FAT3: variants seen among roughly 807,000 people sequenced by gnomAD.
FAT3 encodes FAT atypical cadherin 3.
In FAT3, 95 loss-of-function variants were observed where a neutral mutation model predicts 310.2. The observed-to-expected ratio is 0.31, with a 90% CI of 0.26 to 0.36. FAT3 has a LOEUF of 0.36. Among genes scored for constraint, FAT3 ranks in the 10% least tolerant of loss-of-function variants. The probability of loss-of-function intolerance (pLI) is 1.00; values close to 1 mark genes in which losing one functional copy is unlikely to be tolerated. For missense variants in FAT3, 5,408 were observed against 5,715.6 expected (o/e 0.95, Z 1.74); for synonymous variants, 2,314 against 2,192.9 (o/e 1.06, Z -1.54).
intron 3 of FAT3, among the ~76,000 whole-genome samples, chr11:92,558,650 A>G (rs1438249973): frequency 6.6e-6 from 1 of 152,210 alleles, no homozygotes; most frequent in Non-Finnish European, 1.5e-5. Flanking sequence ...GTAATTAATA[A>G]TACAAGGACA....
Position 92,883,026 on chromosome 11 carries a change from G to T in FAT3, c.12570G>T (p.Thr4190=), listed in dbSNP as rs775635508. The change falls in exon 24 of 28, where the codon ACG becomes ACT. Residue 4190 remains threonine (T), a synonymous_variant. Transcript: ENST00000525166. The surrounding 1 kb of genome is among the most constrained non-coding windows in gnomAD (Gnocchi z 4.2). ...AGAACTACTCCCGCAACAACATCAC[G>T]CTAGTGCAGGACCCGGCCACCGCCG... ...FRKNYSRNNI[T]LVQDPATAAL... 6.2e-7 allele frequency: 1 copy of T among 1,613,860 alleles called. No individual in the cohort carries two copies. Among genetic ancestry groups the T allele is most frequent in the Non-Finnish European group, 8.5e-7 (1 of 1,179,900 alleles).
intron 1 of FAT3, among the ~76,000 whole-genome samples, chr11:92,263,877 G>A (rs1189508682): frequency 6.6e-6 from 1 of 151,908 alleles, no homozygotes; most frequent in African/African-American, 2.4e-5. Flanking sequence ...TTTGATATTA[G>A]CCCTTAGTGG....
chr11:92,582,522 A>G (rs1591482720), intron 3 of FAT3, among the ~76,000 whole-genome samples: 1 of 152,190 alleles, frequency 6.6e-6, no homozygotes, highest in Non-Finnish European at 1.5e-5. Flanking sequence ...AATCCTTCAT[A>G]TAACATTTCT....
At chr11:92,512,625 A>G (rs1360323071) in intron 2 of FAT3, among the ~76,000 whole-genome samples, 4 of 147,302 alleles carry the variant, frequency 2.7e-5, no homozygotes, top group Non-Finnish European at 6.0e-5. Context: ...TAAAATATAT[A>G]TATTTAAAAT....
intron 6 of FAT3, among the ~76,000 whole-genome samples, chr11:92,771,880 A>G (rs1396367906): frequency 2.0e-5 from 3 of 152,096 alleles, no homozygotes; most frequent in Non-Finnish European, 4.4e-5. Context: ...ACGTGCGATG[A>G]TTATGTATTT....
chr11:92,747,362 T>G (rs1229311423), intron 4 of FAT3, among the ~76,000 whole-genome samples: 1 of 152,214 alleles, frequency 6.6e-6, no homozygotes, highest in Non-Finnish European at 1.5e-5. Flanking sequence ...TAGCCATGGC[T>G]GGCACTGAAG....
Position 92,844,727 on chromosome 11 carries a change from G to A in FAT3, c.11360G>A (p.Cys3787Tyr). ...PRFYRNVRCT[C>Y]NGGLCPGSND... Reference sequence around the variant, plus strand: ...TTCTACAGGAACGTGCGTTGCACCTGCAATGGTGAGTGCAGTTTTGAGTGT... The same window carrying A: ...TTCTACAGGAACGTGCGTTGCACCTACAATGGTGAGTGCAGTTTTGAGTGT... The change falls in exon 19 of 28, where the codon TGC becomes TAC. Residue 3787 changes from cysteine to tyrosine, a missense_variant. This residue lies in a region of FAT3 where 4,588 missense variants were observed against 4,809.8 expected (regional missense o/e 0.95). Transcript: ENST00000525166. 6.6e-7 allele frequency: 1 copy of A among 1,522,844 alleles called. No individual in the cohort carries two copies. The allele number at this position is 1,522,844 out of a possible 1,614,324, so 94.3% of individuals were successfully genotyped here. A position where few individuals can be genotyped will look rare whatever the true frequency, so the allele number is the denominator to read the frequency against.
intron 24 of FAT3, among the ~76,000 whole-genome samples, chr11:92,885,603 T>C (rs1256358453): frequency 6.6e-6 from 1 of 152,198 alleles, no homozygotes; most frequent in Non-Finnish European, 1.5e-5. Flanking sequence ...ATACTCCCTC[T>C]CAAATTATCT....
rs1252266111 is a variant in FAT3 at position 92,800,477 on chromosome 11, G to T, written c.7464G>T (p.Gly2488=). The T allele has an allele frequency of 1.2e-6, 2 of 1,613,948 alleles. No individual in the cohort carries two copies. The highest frequency in any genetic ancestry group is 2.2e-5 in the South Asian group (2 of 91,086). The change falls in exon 10 of 28, where the codon GGG becomes GGT. Residue 2488 remains glycine, a synonymous_variant. Transcript: ENST00000525166. ...CACAGGTGCATATTAGGGTACTTGG[G>T]GCTAACTTGTACAGCCCTGCCTTTT... ...STAQVHIRVL[G]ANLYSPAFSQ...
chr11:92,559,383 C>CTT (rs386374501), intron 3 of FAT3: 41,195 of 143,724 alleles, frequency 0.29, 7,507 homozygotes, highest in East Asian at 0.44. Context: ...ACTTATTTTC[C>CTT]TTTTTTTTTT....
At chr11:92,636,807 T>C (rs1941783669) in intron 3 of FAT3, among the ~76,000 whole-genome samples, 1 of 152,226 alleles carries the variant, frequency 6.6e-6, no homozygotes, top group Admixed American at 6.5e-5. Flanking sequence ...ACAATCCAGC[T>C]GTGTTCTTTT....
At chr11:92,853,525 CCATTCGT>C (rs1399362196) in intron 19 of FAT3, among the ~76,000 whole-genome samples, 2 of 152,146 alleles carry the variant, frequency 1.3e-5, no homozygotes, top group Non-Finnish European at 2.9e-5. Flanking sequence ...TTCAGTCCCA[CCATTCGT>C]CAGGTCCTGA....
At chr11:92,465,996 T>TA (rs1196059488) in intron 2 of FAT3, among the ~76,000 whole-genome samples, 3 of 152,308 alleles carry the variant, frequency 2.0e-5, no homozygotes, top group African/African-American at 7.2e-5. Flanking sequence ...TTAATAAGTG[T>TA]TGAAAAGCAC....
Position 92,784,471 on chromosome 11 carries a change from A to G in FAT3, c.4336-5472A>G, listed in dbSNP as rs539240255. Among the ~76,000 whole-genome samples the G allele has an allele frequency of 2.0e-4, 30 of 152,318 alleles. 1 individual carries two copies. In the South Asian group the frequency reaches 5.4e-3, roughly 27 times the overall value. On this transcript the variant is annotated intron_variant, in intron 7 of 27. Coordinates refer to ENST00000525166, the MANE Select transcript of FAT3 (RefSeq NM_001367949.2). ...GCTCGCCCCATGGACACTTTATACC[A>G]TGAGCCTTTGTGAAGCAGAGCTTGG...
intron 13 of FAT3, among the ~76,000 whole-genome samples, chr11:92,828,737 G>A (rs982947259): frequency 6.6e-6 from 1 of 152,200 alleles, no homozygotes; most frequent in Non-Finnish European, 1.5e-5. Context: ...GCTGATTAAT[G>A]TCAGTCCTGT....
At chr11:92,693,878 G>C (rs895440476) in intron 3 of FAT3, among the ~76,000 whole-genome samples, 3 of 152,088 alleles carry the variant, frequency 2.0e-5, no homozygotes, top group African/African-American at 7.2e-5. Flanking sequence ...AGCCCAATCA[G>C]CTCTATTCAT....
At chr11:92,545,399 T>C (rs1954583497) in intron 3 of FAT3, among the ~76,000 whole-genome samples, 1 of 152,238 alleles carries the variant, frequency 6.6e-6, no homozygotes, top group Non-Finnish European at 1.5e-5. Flanking sequence ...ACAGAGTTTT[T>C]GTCCTTTTGT....
intron 2 of FAT3, among the ~76,000 whole-genome samples, chr11:92,375,059 C>A (rs1949305174): frequency 6.6e-6 from 1 of 151,962 alleles, no homozygotes; most frequent in African/African-American, 2.4e-5. Context: ...ACACACACAC[C>A]ATACCTAAAT....
chr11:92,330,470 G>A (rs1218787978), intron 1 of FAT3, among the ~76,000 whole-genome samples: 1 of 152,152 alleles, frequency 6.6e-6, no homozygotes, highest in Non-Finnish European at 1.5e-5. Flanking sequence ...TAGTTTATAC[G>A]TTAAATTTCA....
Sources: gnomAD v4.1 joint callset for allele counts (sites outside exome capture counted in the v4.1 genomes callset) on GRCh38, gnomAD v4.1.1 for gene constraint, gnomAD v4.1.1 regional missense constraint, Gnocchi (gnomAD v3.1) non-coding constraint, MANE v1.5 for transcripts, NCBI Gene and HGNC (gene_info 2026-07-23, HGNC 2026-07-21) for gene names.